The following PRKG1 variants were observed in gnomAD, a reference collection of about 807,000 sequenced individuals.
The protein encoded by PRKG1 is cGMP-dependent protein kinase 1.
PRKG1 carries 35 observed loss-of-function variants against 88.1 expected under a neutral mutation model. The observed-to-expected ratio is 0.40, with a 90% confidence interval of 0.30 to 0.53. The LOEUF (loss-of-function observed/expected upper bound fraction) is 0.53, where lower values mean the gene tolerates loss of function less well. Among genes scored for constraint, PRKG1 ranks in the 20% least tolerant of loss-of-function variants. The pLI, the probability that PRKG1 is intolerant of heterozygous loss-of-function variation, is 0.59. For synonymous variants in PRKG1, 303 were observed against 292.5 expected, an observed-to-expected ratio of 1.04 and a Z score of -0.37; for missense variants, 540 against 839.8, an observed-to-expected ratio of 0.64 and a Z score of 4.41.
chr10:51,536,954 C>T (rs143762667), intron 3 of PRKG1, among the ~76,000 whole-genome samples: 203 of 152,094 alleles, frequency 1.3e-3, no homozygotes, highest in Middle Eastern at 6.8e-3. Flanking sequence ...TCCAATTGTA[C>T]TTCCTATGTT....
intron 2 of PRKG1, among the ~76,000 whole-genome samples, chr10:51,224,586 T>C (rs1180429279): frequency 1.3e-5 from 2 of 152,210 alleles, no homozygotes; most frequent in African/African-American, 4.8e-5. Flanking sequence ...TACTTTCATT[T>C]TATTTTTCTC....
intron 5 of PRKG1, among the ~76,000 whole-genome samples, chr10:51,932,624 T>C (rs921774744): frequency 2.0e-5 from 3 of 152,066 alleles, no homozygotes; most frequent in African/African-American, 7.2e-5. Context: ...AAGCGTGGGG[T>C]TTCGTTGTGC....
intron 2 of PRKG1, among the ~76,000 whole-genome samples, chr10:51,322,268 TA>T (rs1217952657): frequency 1.3e-5 from 2 of 152,148 alleles, no homozygotes; most frequent in South Asian, 2.1e-4. Context: ...TAAAAAAATA[TA>T]AAAAAGTGCA....
chr10:51,055,049 C>T lies in PRKG1; in HGVS notation c.266+63405C>T, dbSNP rs1843610250. On this transcript the variant is annotated intron_variant, in intron 1 of 17. Coordinates refer to the PRKG1 transcript ENST00000401604. ...CCCTTCCTTTAATTTCCCCTGTATC[C>T]CTGACCATATTCCAGGTTTGGTGAG... is the stretch of plus-strand genomic sequence containing the variant. 2.0e-5 allele frequency among the ~76,000 whole-genome samples: 3 copies of T among 152,168 alleles called. No individual in the cohort carries two copies. In the South Asian group the frequency reaches 6.2e-4, roughly 32 times the overall value.
chr10:51,810,108 A>G (rs1165388614), intron 4 of PRKG1, among the ~76,000 whole-genome samples: 1 of 152,158 alleles, frequency 6.6e-6, no homozygotes, highest in African/African-American at 2.4e-5. Context: ...AAACTCTTAT[A>G]AATGTCTGAT....
At chr10:52,078,581 C>T (rs1029575153) in intron 7 of PRKG1, among the ~76,000 whole-genome samples, 5 of 152,176 alleles carry the variant, frequency 3.3e-5, no homozygotes, top group East Asian at 1.9e-4. Context: ...ATTAAGCCAG[C>T]TGTCACACAC....
At chr10:51,496,132 A>G (rs1840845282) in intron 3 of PRKG1, among the ~76,000 whole-genome samples, 1 of 152,212 alleles carries the variant, frequency 6.6e-6, no homozygotes, top group African/African-American at 2.4e-5. Flanking sequence ...CTGGTACAAA[A>G]TTCAAGAATG....
intron 4 of PRKG1, among the ~76,000 whole-genome samples, chr10:51,840,993 C>G (rs1432555549): frequency 2.6e-5 from 4 of 152,222 alleles, no homozygotes; most frequent in Non-Finnish European, 4.4e-5. Context: ...CCCAGGATTT[C>G]AGAGTTGGAG....
At chr10:52,119,076 A>T (rs1325055679) in intron 7 of PRKG1, among the ~76,000 whole-genome samples, 3 of 152,102 alleles carry the variant, frequency 2.0e-5, no homozygotes, top group African/African-American at 7.2e-5. Context: ...CACCTATATA[A>T]AGTATTATTA....
Position 51,727,284 on chromosome 10 carries a change from A to AT in PRKG1, c.593-77301_593-77300insT, listed in dbSNP as rs376303257. ...AGTAAGACCCCATTGCAAAAAAAAAAAATATATATATATATATTTTTTTTA... is the reference window on the plus strand; with the variant it reads ...AGTAAGACCCCATTGCAAAAAAAAAATAATATATATATATATATTTTTTTTA... On this transcript the variant is annotated intron_variant, in intron 3 of 17. Transcript: ENST00000373980. Among the ~76,000 whole-genome samples the AT allele has an allele frequency of 4.4e-4, 64 of 144,486 alleles. No homozygotes were observed. In the Middle Eastern group the frequency reaches 0.011, roughly 24 times the overall value. 94.8% of individuals were successfully genotyped at this position (144,486 alleles called of 152,430 possible).
chr10:51,721,370 A>T (rs910651154), intron 3 of PRKG1, among the ~76,000 whole-genome samples: 1 of 152,144 alleles, frequency 6.6e-6, no homozygotes, highest in Non-Finnish European at 1.5e-5. Flanking sequence ...AAAGAATTTG[A>T]TTGACTGGCC....
At chr10:51,941,112 A>G (rs1842897941) in intron 5 of PRKG1, among the ~76,000 whole-genome samples, 1 of 150,634 alleles carries the variant, frequency 6.6e-6, no homozygotes, top group Non-Finnish European at 1.5e-5. Context: ...CAATAAATCA[A>G]AAACAGAGCA....
chr10:51,304,053 C>A (rs1437463591), intron 2 of PRKG1, among the ~76,000 whole-genome samples: 1 of 152,048 alleles, frequency 6.6e-6, no homozygotes, highest in Admixed American at 6.6e-5. Context: ...CTCCTGACAC[C>A]AGGTGATCTG....
chr10:51,142,154 T>C (rs968151683), intron 1 of PRKG1, among the ~76,000 whole-genome samples: 9 of 152,108 alleles, frequency 5.9e-5, no homozygotes, highest in Admixed American at 5.9e-4. Context: ...TCAAGTCAGA[T>C]AAGAGAAAAC....
intron 7 of PRKG1, among the ~76,000 whole-genome samples, chr10:52,110,924 C>T (rs1428999017): frequency 6.6e-6 from 1 of 152,098 alleles, no homozygotes; most frequent in African/African-American, 2.4e-5. Flanking sequence ...AGAAATGTAT[C>T]CATTGGACTG....
chr10:51,161,308 T>G (rs547273174), intron 2 of PRKG1, among the ~76,000 whole-genome samples: 9 of 152,314 alleles, frequency 5.9e-5, no homozygotes, highest in Admixed American at 4.6e-4. Context: ...TTGTACAAGT[T>G]AAGAATTGAC....
chr10:51,078,852 A>G (rs1844036012), intron 1 of PRKG1, among the ~76,000 whole-genome samples: 1 of 151,802 alleles, frequency 6.6e-6, no homozygotes, highest in Admixed American at 6.6e-5. Flanking sequence ...TCCTGACCTC[A>G]TGATCCGCCT....
At chr10:51,929,083 T>C (rs1035337921) in intron 5 of PRKG1, among the ~76,000 whole-genome samples, 4 of 152,148 alleles carry the variant, frequency 2.6e-5, no homozygotes, top group African/African-American at 9.7e-5. Context: ...TCAAGAAAGC[T>C]GAATATAGAA....
chr10:52,142,050 CG>C (rs1385049628), intron 8 of PRKG1, among the ~76,000 whole-genome samples: 2 of 152,026 alleles, frequency 1.3e-5, no homozygotes, highest in Admixed American at 1.3e-4. Context: ...TAAGACAGAT[CG>C]GGTATTCACA....
Sources: gnomAD v4.1 joint callset for allele counts (sites outside exome capture counted in the v4.1 genomes callset) on GRCh38, gnomAD v4.1.1 for gene constraint, MANE v1.5 for transcripts, NCBI Gene and HGNC (gene_info 2026-07-23, HGNC 2026-07-21) for gene names.